Variants in PPARGC1A observed in about 807,000 individuals in gnomAD.
The protein encoded by PPARGC1A is peroxisome proliferator-activated receptor gamma coactivator 1-alpha.
Under a neutral mutation model 88.7 loss-of-function variants are expected in PPARGC1A, and 25 were observed. The ratio of observed to expected loss-of-function variants is 0.28; its 90% CI spans 0.21 to 0.39. PPARGC1A has a LOEUF of 0.39. Ranked by LOEUF, PPARGC1A falls within the 10% of genes least tolerant of loss-of-function variation. The pLI is 1.00. For synonymous variants in PPARGC1A, 363 were observed against 355.6 expected, an observed-to-expected ratio of 1.02 and a Z score of -0.24; for missense variants, 880 against 968.7, an observed-to-expected ratio of 0.91 and a Z score of 1.22.
the PPARGC1A span, among the ~76,000 whole-genome samples, chr4:24,174,375 G>A: frequency 1.3e-5 from 2 of 152,198 alleles, no homozygotes; most frequent in Non-Finnish European, 2.9e-5. Flanking sequence ...AAACATCTCA[G>A]TTAATAAGTC....
the PPARGC1A span, among the ~76,000 whole-genome samples, chr4:24,319,996 A>G: frequency 6.6e-6 from 1 of 152,238 alleles, no homozygotes; most frequent in Non-Finnish European, 1.5e-5. Context: ...CTCACATTAT[A>G]GAAGACAAGG....
At chr4:23,902,750 T>C (rs1719557909), upstream of PPARGC1A, among the ~76,000 whole-genome samples, 1 of 152,024 alleles carries the variant, frequency 6.6e-6, no homozygotes, top group Non-Finnish European at 1.5e-5. Flanking sequence ...ATATTCACTT[T>C]AATTACAAAA....
chr4:23,918,979 A>G, the PPARGC1A span, among the ~76,000 whole-genome samples: 1 of 151,924 alleles, frequency 6.6e-6, no homozygotes, highest in Non-Finnish European at 1.5e-5. Context: ...TTATTTTAGG[A>G]CCCATCTATT....
chr4:23,932,252 G>A, the PPARGC1A span, among the ~76,000 whole-genome samples: 9 of 152,222 alleles, frequency 5.9e-5, no homozygotes, highest in Middle Eastern at 3.4e-3. Flanking sequence ...TGAGAAGACA[G>A]AGAACAAGAG....
the PPARGC1A span, among the ~76,000 whole-genome samples, chr4:24,078,720 T>C: frequency 6.6e-6 from 1 of 152,132 alleles, no homozygotes; most frequent in Non-Finnish European, 1.5e-5. Flanking sequence ...TTCAGTATTA[T>C]TTTAATGCTG....
At chr4:24,261,909 G>T in the PPARGC1A span, among the ~76,000 whole-genome samples, 17 of 152,238 alleles carry the variant, frequency 1.1e-4, no homozygotes, top group African/African-American at 3.4e-4. Flanking sequence ...TGCACAATCT[G>T]CCTCCACCAA....
chr4:23,862,418 G>C (rs1026292543), intron 2 of PPARGC1A, among the ~76,000 whole-genome samples: 8 of 152,188 alleles, frequency 5.3e-5, no homozygotes, highest in African/African-American at 1.9e-4. Context: ...GAGAAGCGTA[G>C]TGCCTGGCAA....
At chr4:24,090,746 C>T in the PPARGC1A span, among the ~76,000 whole-genome samples, 1 of 152,138 alleles carries the variant, frequency 6.6e-6, no homozygotes. Context: ...TAAAAATATG[C>T]ATTAGAGGTG....
At chr4:24,411,461 T>C in the PPARGC1A span, among the ~76,000 whole-genome samples, 1 of 152,352 alleles carries the variant, frequency 6.6e-6, no homozygotes, top group East Asian at 1.9e-4. Context: ...CCTGCCCTAC[T>C]ATCAACATCC....
upstream of PPARGC1A, among the ~76,000 whole-genome samples, chr4:23,906,607 C>CA (rs35171233): frequency 0.1 from 6,427 of 63,676 alleles, 510 homozygotes; most frequent in African/African-American, 0.19. Context: ...CTCTGTCTCA[C>CA]AAAAAAAAAA....
the PPARGC1A span, among the ~76,000 whole-genome samples, chr4:24,212,638 G>A: frequency 6.6e-6 from 1 of 152,116 alleles, no homozygotes; most frequent in African/African-American, 2.4e-5. Context: ...GGTGATAATT[G>A]GGCAACTTGT....
upstream of PPARGC1A, chr4:23,904,014 A>G (rs1312476673): frequency 4.1e-6 from 4 of 974,508 alleles, no homozygotes; most frequent in Non-Finnish European, 4.9e-6. Flanking sequence ...GAATCCATAG[A>G]TGATAACCCC....
the PPARGC1A span, among the ~76,000 whole-genome samples, chr4:24,434,554 G>A: frequency 1.1e-4 from 16 of 152,282 alleles, no homozygotes; most frequent in East Asian, 3.9e-4. Flanking sequence ...ACAAATGCTC[G>A]GTGCACAGGG....
chr4:24,135,229 G>A, the PPARGC1A span, among the ~76,000 whole-genome samples: 1 of 152,242 alleles, frequency 6.6e-6, no homozygotes, highest in South Asian at 2.1e-4. Flanking sequence ...GGAATGCAGA[G>A]GTGTCTCTGT....
At chr4:24,003,949 C>T in the PPARGC1A span, among the ~76,000 whole-genome samples, 1 of 151,774 alleles carries the variant, frequency 6.6e-6, no homozygotes, top group African/African-American at 2.4e-5. Context: ...GAAACTGTAA[C>T]TGTCATTATA....
intron 2 of PPARGC1A, among the ~76,000 whole-genome samples, chr4:23,857,792 T>C (rs546522705): frequency 6.6e-6 from 1 of 151,808 alleles, no homozygotes; most frequent in East Asian, 2.0e-4. Context: ...GAAAACCTAT[T>C]GACATTTGAA....
At chr4:23,938,805 A>G in the PPARGC1A span, among the ~76,000 whole-genome samples, 1 of 152,206 alleles carries the variant, frequency 6.6e-6, no homozygotes, top group African/African-American at 2.4e-5. Flanking sequence ...AGAGAAGCAA[A>G]CCTTCCTCCC....
At chr4:24,356,646 G>A in the PPARGC1A span, among the ~76,000 whole-genome samples, 1 of 152,100 alleles carries the variant, frequency 6.6e-6, no homozygotes, top group Non-Finnish European at 1.5e-5. Context: ...ATGTCTCTGG[G>A]CCCTGTCCTT....
At chr4:24,012,339 T>C in the PPARGC1A span, among the ~76,000 whole-genome samples, 1 of 152,118 alleles carries the variant, frequency 6.6e-6, no homozygotes, top group African/African-American at 2.4e-5. Flanking sequence ...TGTCAAGAAG[T>C]ACAAGTCTTC....
Sources: allele counts gnomAD v4.1 joint callset (sites outside exome capture counted in the v4.1 genomes callset), GRCh38; gene constraint gnomAD v4.1.1; transcripts MANE v1.5; gene names NCBI Gene and HGNC (gene_info 2026-07-23, HGNC 2026-07-21).